Variants in ATP10B observed in about 807,000 individuals in gnomAD.
The protein encoded by ATP10B is phospholipid-transporting ATPase VB.
Under a neutral mutation model 141.2 loss-of-function variants are expected in ATP10B, and 122 were observed. The ratio of observed to expected loss-of-function variants is 0.86; its 90% confidence interval spans 0.75 to 1.00. ATP10B has a LOEUF of 1.00. Ranked by LOEUF, ATP10B falls within the 50% of genes least tolerant of loss-of-function variation. ATP10B has a pLI of 0.00. For synonymous variants in ATP10B, 685 were observed against 692.0 expected (o/e 0.99, Z 0.16); for missense variants, 1,876 against 1,825.3 (o/e 1.03, Z -0.51).
the ATP10B span, among the ~76,000 whole-genome samples, chr5:160,915,443 TGTCTCA>T: frequency 6.6e-6 from 1 of 152,116 alleles, no homozygotes; most frequent in Admixed American, 6.5e-5. Context: ...GTGATTCTCC[TGTCTCA>T]GCCTCCTGAG....
At chr5:160,838,189 C>T (rs563332270) in intron 1 of ATP10B, among the ~76,000 whole-genome samples, 2 of 152,262 alleles carry the variant, frequency 1.3e-5, no homozygotes, top group Non-Finnish European at 2.9e-5. Context: ...TGGTGCTAGA[C>T]TTCCATTCTG....
intron 2 of ATP10B, among the ~76,000 whole-genome samples, chr5:160,767,977 C>G (rs1769600148): frequency 6.6e-6 from 1 of 152,056 alleles, no homozygotes; most frequent in African/African-American, 2.4e-5. Flanking sequence ...ATTTCTGTCT[C>G]TCAGTATTTC....
the ATP10B span, among the ~76,000 whole-genome samples, chr5:160,888,693 T>TC: frequency 6.6e-6 from 1 of 152,188 alleles, no homozygotes; most frequent in Non-Finnish European, 1.5e-5. Context: ...CTTCCTTTGT[T>TC]CCTAGGATTC....
At chr5:160,798,728 A>G (rs1772135403) in intron 1 of ATP10B, among the ~76,000 whole-genome samples, 2 of 150,748 alleles carry the variant, frequency 1.3e-5, no homozygotes, top group Admixed American at 6.6e-5. Flanking sequence ...TGGGTCAAGG[A>G]AAAGACTTTT....
intron 1 of ATP10B, among the ~76,000 whole-genome samples, chr5:160,819,642 A>G (rs969073533): frequency 2.6e-5 from 4 of 152,208 alleles, no homozygotes; most frequent in African/African-American, 7.2e-5. Flanking sequence ...CATGGACAGT[A>G]GAAGATATAA....
At chr5:160,751,613 A>G (rs749803720) in intron 2 of ATP10B, among the ~76,000 whole-genome samples, 1 of 152,048 alleles carries the variant, frequency 6.6e-6, no homozygotes. Context: ...TAGTGCTTTC[A>G]TGCTCTTCCG....
chr5:160,751,374 C>CA (rs1561815762), intron 2 of ATP10B, among the ~76,000 whole-genome samples: 1 of 152,058 alleles, frequency 6.6e-6, no homozygotes, highest in Non-Finnish European at 1.5e-5. Context: ...AAATATTTGA[C>CA]AAAAAACAGA....
At chr5:160,881,567 C>T in the ATP10B span, among the ~76,000 whole-genome samples, 1 of 152,162 alleles carries the variant, frequency 6.6e-6, no homozygotes, top group African/African-American at 2.4e-5. Context: ...AATCCCAGCA[C>T]TTTGGGAGGC....
At chr5:160,813,546 C>T (rs1773331631) in intron 1 of ATP10B, among the ~76,000 whole-genome samples, 1 of 152,174 alleles carries the variant, frequency 6.6e-6, no homozygotes, top group Non-Finnish European at 1.5e-5. Flanking sequence ...TTGTAGACTC[C>T]ACTTCTGGGG....
chr5:160,631,644 A>G (rs192141252), intron 13 of ATP10B, among the ~76,000 whole-genome samples: 1 of 152,348 alleles, frequency 6.6e-6, no homozygotes, highest in African/African-American at 2.4e-5. Flanking sequence ...TTTCTCCCTT[A>G]TAGAAACATA....
At chr5:160,623,777 A>AG (rs1426484677) in intron 13 of ATP10B, among the ~76,000 whole-genome samples, 1 of 152,170 alleles carries the variant, frequency 6.6e-6, no homozygotes, top group Non-Finnish European at 1.5e-5. Flanking sequence ...ACCAGAGCAG[A>AG]GGTGGTGGTG....
At chr5:160,917,082 G>A in the ATP10B span, among the ~76,000 whole-genome samples, 1 of 152,056 alleles carries the variant, frequency 6.6e-6, no homozygotes, top group Non-Finnish European at 1.5e-5. Context: ...CCACCATGGT[G>A]GCTCTATAGC....
chr5:160,636,310 C>T lies in ATP10B; in HGVS notation c.1001-1G>A, dbSNP rs771918676. 1.9e-6 allele frequency: 3 copies of T among 1,611,672 alleles called. No homozygotes were observed. The highest frequency in any genetic ancestry group is 1.7e-6 in the Non-Finnish European group (2 of 1,179,126). On this transcript the variant is annotated splice_acceptor_variant, in intron 10 of 25. Transcript: ENST00000327245. LOFTEE classifies it high-confidence loss of function. ...AAGGTCCCATTCCAGATGCTGTGAC[C>T]TGAGAGGAGGCAAAACCAGGAATGA...
chr5:160,887,578 G>A, the ATP10B span, among the ~76,000 whole-genome samples: 6 of 152,050 alleles, frequency 3.9e-5, no homozygotes, highest in African/African-American at 1.2e-4. Context: ...TTAAAGGCCC[G>A]CAAAGTCTTA....
chr5:160,901,473 T>A, the ATP10B span, among the ~76,000 whole-genome samples: 1 of 152,166 alleles, frequency 6.6e-6, no homozygotes. Context: ...GGCTGAGTGC[T>A]GGGGATTTAG....
At chr5:160,903,490 G>A in the ATP10B span, among the ~76,000 whole-genome samples, 3 of 152,276 alleles carry the variant, frequency 2.0e-5, no homozygotes, top group East Asian at 3.9e-4. Flanking sequence ...GAGCCACAGA[G>A]CATTTACTCT....
intron 2 of ATP10B, among the ~76,000 whole-genome samples, chr5:160,785,216 T>C (rs1771050439): frequency 6.6e-6 from 1 of 152,260 alleles, no homozygotes; most frequent in South Asian, 2.1e-4. Context: ...CAACAACTTT[T>C]TTCTTGTTAT....
intron 7 of ATP10B, among the ~76,000 whole-genome samples, chr5:160,666,940 CG>C (rs1762354884): frequency 6.6e-6 from 1 of 151,914 alleles, no homozygotes; most frequent in Non-Finnish European, 1.5e-5. Context: ...GCTCTGGGAC[CG>C]GGCACAGTGG....
chr5:160,919,223 CAA>C, the ATP10B span, among the ~76,000 whole-genome samples: 60 of 26,958 alleles, frequency 2.2e-3, no homozygotes, highest in South Asian at 0.015. Flanking sequence ...AACTCCGTCT[CAA>C]AAAAAAAAAA....
Sources: allele counts gnomAD v4.1 joint callset (sites outside exome capture counted in the v4.1 genomes callset), GRCh38; gene constraint gnomAD v4.1.1; transcripts MANE v1.5; gene names NCBI Gene and HGNC (gene_info 2026-07-23, HGNC 2026-07-21).